The following TNFRSF19 variants were observed in gnomAD, a reference collection of about 807,000 sequenced individuals.
TNFRSF19 encodes the protein TNF receptor superfamily member 19.
A neutral mutation model predicts 46.4 loss-of-function variants in TNFRSF19; 27 were observed. That is an observed-to-expected ratio of 0.58 (90% CI 0.43 to 0.80). TNFRSF19 has a LOEUF of 0.80. Among genes scored for constraint, TNFRSF19 ranks in the 30% least tolerant of loss-of-function variants. The probability of loss-of-function intolerance (pLI) is 0.00; values close to 1 mark genes in which losing one functional copy is unlikely to be tolerated. For synonymous variants in TNFRSF19, 204 were observed against 205.0 expected (o/e 1.00, Z 0.04); for missense variants, 511 against 530.8 (o/e 0.96, Z 0.37).
chr13:23,665,557 C>T (rs1218557840), intron 7 of TNFRSF19, among the ~76,000 whole-genome samples: 1 of 133,368 alleles, frequency 7.5e-6, no homozygotes, highest in African/African-American at 2.8e-5. Flanking sequence ...CCCACATGTC[C>T]TTTACCGAGA....
intron 5 of TNFRSF19, among the ~76,000 whole-genome samples, chr13:23,627,169 C>T (rs865930854): frequency 6.6e-6 from 1 of 152,114 alleles, no homozygotes; most frequent in African/African-American, 2.4e-5. Context: ...TTTCCTAGTC[C>T]CCAGACAGGA....
rs115520634 is a variant in TNFRSF19, at chr13:23,668,886, C to T, written c.1034C>T (p.Thr345Met). ...HSLNPELESS[T>M]SLDSNSSQDL... is the part of the protein sequence containing the mutation. The stretch of plus-strand genomic sequence containing the variant: ...CTCAATCCAGAACTTGAAAGCTCAA[C>T]GTCTTTGGATTCAAATAGCAGTCAA... The change falls in exon 9 of 10, where the codon ACG becomes ATG. Residue 345 changes from threonine to methionine, a missense_variant. Physicochemically the swap from Thr to Met is moderately conservative, Grantham distance 81 (BLOSUM62 -1). Transcript: ENST00000248484. 5.6e-6 allele frequency: 9 copies of T among 1,614,250 alleles called. No individual in the cohort carries two copies. The highest frequency in any genetic ancestry group is 5.3e-5 in the African/African-American group (4 of 75,060).
intron 1 of TNFRSF19, among the ~76,000 whole-genome samples, chr13:23,584,562 A>G (rs577543496): frequency 6.6e-6 from 1 of 151,676 alleles, no homozygotes; most frequent in East Asian, 1.9e-4. Context: ...CTTTTGTATA[A>G]TGACTTCTTT....
chr13:23,640,077 G>A (rs891276538), intron 5 of TNFRSF19, among the ~76,000 whole-genome samples: 3 of 152,088 alleles, frequency 2.0e-5, no homozygotes, highest in Non-Finnish European at 2.9e-5. Context: ...GCCAGGCAGC[G>A]GAGACGTTCT....
rs9578620 is a variant in TNFRSF19, at chr13:23,606,883, A to T, written c.181-8984A>T. Among the ~76,000 whole-genome samples the T allele has an allele frequency of 1.8e-3, 267 of 152,322 alleles. 2 individuals carry two copies. Among genetic ancestry groups the T allele is most frequent in the African/African-American group, 6.0e-3 (251 of 41,588 alleles). On this transcript the variant is annotated intron_variant, in intron 3 of 9. Coordinates refer to ENST00000248484, the MANE Select transcript of TNFRSF19 (RefSeq NM_148957.4). ...AATGTTAGATGTTTTTAAATTGTCC[A>T]TTCATGAATTTGTGATTTCTTCTTT...
intron 5 of TNFRSF19, among the ~76,000 whole-genome samples, chr13:23,648,401 G>T (rs1275838086): frequency 6.6e-6 from 1 of 152,094 alleles, no homozygotes. Context: ...CATGCCTAGT[G>T]TATAAAAATA....
chr13:23,641,977 T>C (rs1883056461), intron 5 of TNFRSF19, among the ~76,000 whole-genome samples: 1 of 152,218 alleles, frequency 6.6e-6, no homozygotes, highest in East Asian at 1.9e-4. Flanking sequence ...TATTAGAATG[T>C]TGAATATCCC....
intron 5 of TNFRSF19, among the ~76,000 whole-genome samples, chr13:23,656,197 C>A (rs929211262): frequency 9.9e-5 from 15 of 152,108 alleles, no homozygotes; most frequent in African/African-American, 3.6e-4. Context: ...GGAGAAGGGG[C>A]ATATTGGATG....
chr13:23,648,234 C>A (rs183922198), intron 5 of TNFRSF19, among the ~76,000 whole-genome samples: 146 of 152,236 alleles, frequency 9.6e-4, no homozygotes, highest in African/African-American at 3.4e-3. Flanking sequence ...GAAGGTGCTT[C>A]CATATATTTT....
intron 1 of TNFRSF19, among the ~76,000 whole-genome samples, chr13:23,578,041 CAGCTT>C (rs1002340907): frequency 5.9e-5 from 9 of 152,136 alleles, no homozygotes; most frequent in African/African-American, 2.2e-4. Context: ...TGCAGTAACT[CAGCTT>C]AGAAGTGCTG....
intron 5 of TNFRSF19, among the ~76,000 whole-genome samples, chr13:23,637,074 A>C (rs9580704): frequency 6.6e-6 from 1 of 152,098 alleles, no homozygotes; most frequent in Non-Finnish European, 1.5e-5. Context: ...CAAGTGAAAC[A>C]CGTATTTGAA....
chr13:23,613,757 T>C (rs1881062008), intron 3 of TNFRSF19, among the ~76,000 whole-genome samples: 1 of 152,168 alleles, frequency 6.6e-6, no homozygotes, highest in Non-Finnish European at 1.5e-5. Flanking sequence ...GGAGGCTCTC[T>C]CCTATACTTC....
In TNFRSF19 at chr13:23,653,976, C is replaced by T. The variant is rs534306301; in HGVS notation, c.446-5074C>T. ...GCCCTAATAGAATGTTCAGGCCCTTCTGCCTCAGTGGGTCTTGGTGTCTGC... is the reference window on the plus strand; with the variant it reads ...GCCCTAATAGAATGTTCAGGCCCTTTTGCCTCAGTGGGTCTTGGTGTCTGC... On this transcript the variant is annotated intron_variant, in intron 5 of 9. Coordinates refer to ENST00000248484, the MANE Select transcript of TNFRSF19 (RefSeq NM_148957.4). Among the ~76,000 whole-genome samples the T allele has an allele frequency of 1.8e-4, 28 of 152,218 alleles. No individual in the cohort carries two copies. The East Asian group carries it at 4.8e-3, about 26-fold the overall frequency.
rs754363167 is a variant in TNFRSF19 at position 23,667,915 on chromosome 13, G to C, written c.737-65G>C. The C allele has an allele frequency of 1.6e-5, 22 of 1,354,510 alleles. No individual in the cohort carries two copies. The East Asian group carries it at 5.3e-4, about 33-fold the overall frequency. 83.9% of individuals were successfully genotyped at this position (1,354,510 alleles called of 1,614,324 possible). A position where few individuals can be genotyped will look rare whatever the true frequency, so the allele number is the denominator to read the frequency against. On this transcript the variant is annotated intron_variant, in intron 7 of 9. Transcript: ENST00000248484. ...CTAAATTTCCGAGAGCAGTGTTGAAGTGTTATTAAAGTGAAAGCTGCCAGA... is the reference window on the plus strand; with the variant it reads ...CTAAATTTCCGAGAGCAGTGTTGAACTGTTATTAAAGTGAAAGCTGCCAGA...
intron 1 of TNFRSF19, among the ~76,000 whole-genome samples, chr13:23,584,627 T>TA (rs67871815): frequency 0.048 from 6,565 of 137,202 alleles, 163 homozygotes; most frequent in East Asian, 0.078. Flanking sequence ...AAGTTTTATT[T>TA]AAAAAAAAAA....
chr13:23,676,011 A>C lies in TNFRSF19; in HGVS notation c.*2631A>C, dbSNP rs1276843077. 1 of 152,204 alleles carries C rather than the reference A, an allele frequency of 6.6e-6. No homozygotes were observed. The highest frequency in any genetic ancestry group is 1.5e-5 in the Non-Finnish European group (1 of 68,036). The allele number at this position is 152,204 out of a possible 1,614,324, so 9.4% of individuals were successfully genotyped here. On this transcript the variant is annotated 3_prime_UTR_variant, in exon 10 of 10. Transcript: ENST00000248484. Reference sequence around the variant, plus strand: ...CATCATTACTATTTTGCATACTGGAATTTATAAATGTGTAAATTATCATTT... The same window carrying C: ...CATCATTACTATTTTGCATACTGGACTTTATAAATGTGTAAATTATCATTT...
At chr13:23,572,343 ATTTG>A (rs1566154190) in intron 1 of TNFRSF19, among the ~76,000 whole-genome samples, 1 of 151,968 alleles carries the variant, frequency 6.6e-6, no homozygotes, top group African/African-American at 2.4e-5. Context: ...TTTTTTTTTA[ATTTG>A]TTTGCTTAAA....
intron 4 of TNFRSF19, among the ~76,000 whole-genome samples, chr13:23,621,552 G>C (rs1018707247): frequency 2.0e-5 from 3 of 152,158 alleles, no homozygotes; most frequent in Non-Finnish European, 2.9e-5. Context: ...CTGTTCTATG[G>C]CATGCCATCT....
rs748316827 is a variant in TNFRSF19 at position 23,668,708 on chromosome 13, G to C, written c.856G>C (p.Gly286Arg). 5.6e-6 allele frequency: 9 copies of C among 1,613,480 alleles called. No homozygotes were observed. Among genetic ancestry groups the C allele is most frequent in the East Asian group, 4.5e-5 (2 of 44,878 alleles). Residue 286 changes from glycine (G) to arginine (R), a missense_variant, in exon 9 of 10, where the codon GGG becomes CGG. Physicochemically the swap from Gly to Arg is moderately radical, Grantham distance 125 (BLOSUM62 -2). Around this residue, in one of 3 missense-constraint regions of TNFRSF19, gnomAD observed 376 missense variants for 372.7 expected, o/e 1.01. Coordinates refer to ENST00000248484, the MANE Select transcript of TNFRSF19 (RefSeq NM_148957.4). ...TGTGTGCAGAAACGCAGGCCCAGCC[G>C]GGGAGATGGTGCCGACTTTCTTCGG... ...SLQARNAGPA[G>R]EMVPTFFGSL...
Sources: gnomAD v4.1 joint callset for allele counts (sites outside exome capture counted in the v4.1 genomes callset) on GRCh38, gnomAD v4.1.1 for gene constraint, gnomAD v4.1.1 regional missense constraint, MANE v1.5 for transcripts, NCBI Gene and HGNC (gene_info 2026-07-23, HGNC 2026-07-21) for gene names.